PDS5A: variants seen among roughly 807,000 people sequenced by gnomAD.
PDS5A encodes the protein PDS5 cohesin associated factor A, also known as sister chromatid cohesion protein PDS5 homolog A.
PDS5A carries 42 observed loss-of-function variants against 167.1 expected under a neutral mutation model. The observed-to-expected ratio is 0.25, with a 90% CI of 0.20 to 0.33. The LOEUF (loss-of-function observed/expected upper bound fraction) is 0.33, where lower values mean the gene tolerates loss of function less well. Among genes scored for constraint, PDS5A ranks in the 10% least tolerant of loss-of-function variants. The pLI is 1.00. For synonymous variants in PDS5A, 553 were observed against 554.6 expected (o/e 1.00, Z 0.04); for missense variants, 1,033 against 1,605.9 (o/e 0.64, Z 6.10).
chr4:39,858,280 A>G (rs1473359920), intron 26 of PDS5A, among the ~76,000 whole-genome samples: 1 of 152,218 alleles, frequency 6.6e-6, no homozygotes, highest in Non-Finnish European at 1.5e-5. Context: ...ACAATCTTGA[A>G]AAAGAACAGA....
intron 6 of PDS5A, among the ~76,000 whole-genome samples, chr4:39,920,617 A>C (rs552883670): frequency 6.6e-6 from 1 of 152,380 alleles, no homozygotes; most frequent in South Asian, 2.1e-4. Flanking sequence ...GAACTAATTT[A>C]TTAATCAAAA....
At chr4:39,875,232 AG>A (rs1720362263) in intron 19 of PDS5A, among the ~76,000 whole-genome samples, 1 of 152,214 alleles carries the variant, frequency 6.6e-6, no homozygotes, top group East Asian at 1.9e-4. Flanking sequence ...AAAAAGCATT[AG>A]GTAGAATGAA....
chr4:39,848,599 A>G (rs1717851140), intron 28 of PDS5A: 1 of 397,820 alleles, frequency 2.5e-6, no homozygotes, highest in Non-Finnish European at 4.5e-6. Context: ...TGAGATTAAA[A>G]TAATTTTAAA....
At chr4:39,878,377 C>T (rs528910506) in intron 18 of PDS5A, among the ~76,000 whole-genome samples, 1 of 152,200 alleles carries the variant, frequency 6.6e-6, no homozygotes, top group East Asian at 1.9e-4. Flanking sequence ...GGGCTGATCA[C>T]AAGGTCAGGA....
intron 2 of PDS5A, among the ~76,000 whole-genome samples, chr4:39,940,331 G>A (rs1450055794): frequency 6.6e-6 from 1 of 152,118 alleles, no homozygotes; most frequent in Non-Finnish European, 1.5e-5. Context: ...GAGGAATTAC[G>A]AATGAAGGAA....
intron 16 of PDS5A, chr4:39,898,043 C>T (rs940578650): frequency 4.5e-5 from 45 of 991,670 alleles, no homozygotes; most frequent in Non-Finnish European, 5.2e-5. Flanking sequence ...AATTTATTGA[C>T]GATTATTTCC....
rs574163342 is a variant in PDS5A at position 39,829,322 on chromosome 4, T to C, written c.4011-3834A>G. The stretch of plus-strand genomic sequence containing the variant: ...CATGAAATAAAAATAGTTGGCACTT[T>C]CAGGATTTTGACCATTCAACTGAAG... On this transcript the variant is annotated intron_variant, in intron 32 of 32. Transcript: ENST00000303538. Among the ~76,000 whole-genome samples, 4 of 152,260 alleles carry C rather than the reference T, an allele frequency of 2.6e-5. No individual in the cohort carries two copies. In the East Asian group the frequency reaches 7.7e-4, roughly 29 times the overall value.
chr4:39,971,970 A>C (rs932621208), intron 2 of PDS5A, among the ~76,000 whole-genome samples: 1 of 152,260 alleles, frequency 6.6e-6, no homozygotes, highest in Non-Finnish European at 1.5e-5. Flanking sequence ...TCAAAATAGA[A>C]AGGAAGGCAG....
chr4:39,963,947 A>G (rs1729741193), intron 2 of PDS5A, among the ~76,000 whole-genome samples: 1 of 152,086 alleles, frequency 6.6e-6, no homozygotes, highest in Non-Finnish European at 1.5e-5. Context: ...TCGCTCTGTC[A>G]CCAGGCTGGA....
chr4:39,852,019 T>C (rs1385798675), intron 26 of PDS5A, among the ~76,000 whole-genome samples: 1 of 152,180 alleles, frequency 6.6e-6, no homozygotes, highest in East Asian at 1.9e-4. Context: ...ATACATAAAA[T>C]ACTTGAATGT....
At chr4:39,902,257 A>G (rs925353396) in intron 13 of PDS5A, 90 bp downstream of exon 13, 3 of 606,920 alleles carry the variant, frequency 4.9e-6, no homozygotes, top group Non-Finnish European at 5.8e-6. Flanking sequence ...AGAAGCAGCA[A>G]CAATCCAATC....
At chr4:39,944,417 G>A (rs1299014057) in intron 2 of PDS5A, among the ~76,000 whole-genome samples, 1 of 152,054 alleles carries the variant, frequency 6.6e-6, no homozygotes, top group African/African-American at 2.4e-5. Context: ...AGTGTGGCGG[G>A]GCACAGTGGC....
chr4:39,976,635 A>G lies in PDS5A; in HGVS notation c.-40-18T>C. ...ACCGGCCTCTATCGGTCAGAAAACC[A>G]AAGTTCAGCGGGAAAGGGGCGACTT... On this transcript the variant is annotated intron_variant, in intron 1 of 32. Coordinates refer to ENST00000303538, the MANE Select transcript of PDS5A (RefSeq NM_001100399.2). The G allele has an allele frequency of 7.0e-7, 1 of 1,426,288 alleles. No individual in the cohort carries two copies. Among genetic ancestry groups the G allele is most frequent in the African/African-American group, 1.4e-5 (1 of 70,796 alleles). The allele number at this position is 1,426,288 out of a possible 1,614,324, so 88.4% of individuals were successfully genotyped here.
intron 16 of PDS5A, among the ~76,000 whole-genome samples, chr4:39,895,273 C>T (rs953719554): frequency 4.0e-5 from 6 of 151,164 alleles, no homozygotes; most frequent in African/African-American, 1.5e-4. Flanking sequence ...AGAGTGCACG[C>T]ACACAAACCT....
At chr4:39,841,448 T>C (rs1258811529) in intron 31 of PDS5A, among the ~76,000 whole-genome samples, 1 of 152,164 alleles carries the variant, frequency 6.6e-6, no homozygotes, top group Non-Finnish European at 1.5e-5. Context: ...CAATTCCTAT[T>C]CTTTAAAAGA....
chr4:39,834,527 C>T (rs1716212289), intron 32 of PDS5A, among the ~76,000 whole-genome samples: 1 of 152,120 alleles, frequency 6.6e-6, no homozygotes, highest in South Asian at 2.1e-4. Context: ...ACTGATTTGG[C>T]TCCTTCTGAC....
intron 18 of PDS5A, 30 bp downstream of exon 18, chr4:39,879,698 T>A (rs1169967695): frequency 7.4e-7 from 1 of 1,353,284 alleles, no homozygotes; most frequent in African/African-American, 1.4e-5. Context: ...CCCACGGAAA[T>A]ACATGGCAAC....
In PDS5A at chr4:39,977,170, T is replaced by C; in HGVS notation, c.-41+287A>G. Reference sequence around the variant, plus strand: ...GCCACCCCTCCCCTGTTCCGCTCCCTCACCCCCGCGGGAGGGGAAAACAAG... The same window carrying C: ...GCCACCCCTCCCCTGTTCCGCTCCCCCACCCCCGCGGGAGGGGAAAACAAG... On this transcript the variant is annotated intron_variant, in intron 1 of 32. Transcript: ENST00000303538. This position sits in a 1 kb window ranked among gnomAD's most constrained non-coding sequence, Gnocchi z 4.2. Among the ~76,000 whole-genome samples the C allele has an allele frequency of 6.6e-6, 1 of 151,114 alleles. No homozygotes were observed. The highest frequency in any genetic ancestry group is 2.0e-4 in the East Asian group (1 of 5,078).
chr4:39,929,536 T>TATATAC (rs1553903695), intron 2 of PDS5A, among the ~76,000 whole-genome samples: 4,181 of 116,634 alleles, frequency 0.036, 191 homozygotes, highest in Non-Finnish European at 0.052. Context: ...TATATATATA[T>TATATAC]ATATATATAT....
Sources: allele counts gnomAD v4.1 joint callset (sites outside exome capture counted in the v4.1 genomes callset), GRCh38; gene constraint gnomAD v4.1.1; non-coding constraint Gnocchi (gnomAD v3.1); transcripts MANE v1.5; gene names NCBI Gene and HGNC (gene_info 2026-07-23, HGNC 2026-07-21).